Variants in LYPD6B observed in about 807,000 individuals in gnomAD.
LYPD6B encodes ly6/PLAUR domain-containing protein 6B.
A neutral mutation model predicts 22.8 loss-of-function variants in LYPD6B; 17 were observed. The ratio of observed to expected loss-of-function variants is 0.75; its 90% CI spans 0.51 to 1.12. LYPD6B has a LOEUF of 1.12. LYPD6B is among the 50% of genes most tolerant of loss of function. LYPD6B has a pLI of 0.00. For synonymous variants in LYPD6B, 106 were observed against 91.6 expected (o/e 1.16, Z -0.90); for missense variants, 221 against 258.3 (o/e 0.86, Z 0.99).
intron 3 of LYPD6B, among the ~76,000 whole-genome samples, chr2:149,190,616 A>C (rs1161429887): frequency 2.6e-5 from 4 of 152,178 alleles, no homozygotes; most frequent in Non-Finnish European, 5.9e-5. Context: ...AGAAGTTATA[A>C]AGTACAATTT....
chr2:149,078,293 T>C (rs1574926472), intron 1 of LYPD6B, among the ~76,000 whole-genome samples: 2 of 152,194 alleles, frequency 1.3e-5, no homozygotes, highest in South Asian at 4.1e-4. Context: ...TCTTTATTTG[T>C]GTTTGCTTTT....
chr2:149,176,149 C>G (rs1691288184), intron 3 of LYPD6B, among the ~76,000 whole-genome samples: 1 of 152,154 alleles, frequency 6.6e-6, no homozygotes. Flanking sequence ...TAGCAATGCA[C>G]TGTGCTATGA....
intron 2 of LYPD6B, among the ~76,000 whole-genome samples, chr2:149,160,100 G>A (rs1689963313): frequency 6.6e-6 from 1 of 151,932 alleles, no homozygotes; most frequent in South Asian, 2.1e-4. Flanking sequence ...ACTACAGTGA[G>A]CTATGATCAT....
At position 149,130,953 on chromosome 2, in the gene LYPD6B, T is replaced by G. The variant is rs764535413; in HGVS notation, c.5T>G (p.Leu2Trp). The change falls in exon 2 of 7, where the codon TTG (leucine) becomes TGG (tryptophan). Residue 2 changes from leucine (L) to tryptophan (W), a missense_variant and splice_region_variant. Leu to Trp is a moderately conservative substitution (Grantham distance 61, BLOSUM62 -2). Coordinates refer to ENST00000409642, the MANE Select transcript of LYPD6B (RefSeq NM_177964.5). ...CTGCTCTTGTTAATCACATGGATGT[T>G]GTGAGTATTATATTCACAAGTGGAT... M[L>W]LITLSANLFT... 1 of 1,602,310 alleles carries G rather than the reference T, an allele frequency of 6.2e-7. No individual in the cohort carries two copies. The highest frequency in any genetic ancestry group is 1.7e-5 in the Admixed American group (1 of 59,984).
At chr2:149,115,214 C>T (rs1037792557) in intron 1 of LYPD6B, among the ~76,000 whole-genome samples, 1 of 152,188 alleles carries the variant, frequency 6.6e-6, no homozygotes, top group African/African-American at 2.4e-5. Flanking sequence ...GCTGGGATTA[C>T]AGGTGTGAGC....
chr2:149,102,339 G>T (rs1686254062), intron 1 of LYPD6B, among the ~76,000 whole-genome samples: 1 of 152,190 alleles, frequency 6.6e-6, no homozygotes, highest in African/African-American at 2.4e-5. Context: ...CGGAACTATT[G>T]AGAGTGAGGA....
intron 1 of LYPD6B, among the ~76,000 whole-genome samples, chr2:149,112,786 T>C (rs1232682571): frequency 6.6e-6 from 1 of 152,154 alleles, no homozygotes; most frequent in Non-Finnish European, 1.5e-5. Context: ...TAATTAATTA[T>C]TGAAAACGAA....
chr2:149,051,272 TCTC>T (rs1683541717), intron 1 of LYPD6B, among the ~76,000 whole-genome samples: 1 of 151,964 alleles, frequency 6.6e-6, no homozygotes. Flanking sequence ...TTCACACCGT[TCTC>T]CTGCTCAGCT....
intron 4 of LYPD6B, among the ~76,000 whole-genome samples, chr2:149,207,943 C>T (rs1693603783): frequency 1.3e-5 from 2 of 152,022 alleles, no homozygotes. Flanking sequence ...GTTAATCTGA[C>T]TCCAGTTCTT....
At chr2:149,189,704 C>G (rs1228121888) in intron 3 of LYPD6B, among the ~76,000 whole-genome samples, 1 of 152,016 alleles carries the variant, frequency 6.6e-6, no homozygotes, top group Non-Finnish European at 1.5e-5. Flanking sequence ...GTTGATCTTC[C>G]TTACCTTCAT....
intron 2 of LYPD6B, among the ~76,000 whole-genome samples, chr2:149,147,835 C>T (rs1459335548): frequency 6.6e-6 from 1 of 151,254 alleles, no homozygotes; most frequent in Non-Finnish European, 1.5e-5. Context: ...TTTGGTGTGA[C>T]TATAAGAAGC....
At chr2:149,040,128 C>T (rs1011739957) in intron 1 of LYPD6B, among the ~76,000 whole-genome samples, 4 of 152,028 alleles carry the variant, frequency 2.6e-5, no homozygotes, top group African/African-American at 4.8e-5. Context: ...TTATCTGCTC[C>T]TTCAGAGAGA....
chr2:149,199,598 G>A (rs540341649), intron 3 of LYPD6B, among the ~76,000 whole-genome samples: 203 of 152,268 alleles, frequency 1.3e-3, no homozygotes, highest in African/African-American at 4.5e-3. Flanking sequence ...AAAGTCTGTT[G>A]TGCTCTATAG....
intron 1 of LYPD6B, among the ~76,000 whole-genome samples, chr2:149,114,325 C>T (rs1686895999): frequency 6.6e-6 from 1 of 152,140 alleles, no homozygotes; most frequent in Non-Finnish European, 1.5e-5. Flanking sequence ...CTAGGATATA[C>T]ATTTCTTTTG....
chr2:149,118,735 T>C (rs1687131853), intron 1 of LYPD6B, among the ~76,000 whole-genome samples: 1 of 152,224 alleles, frequency 6.6e-6, no homozygotes, highest in South Asian at 2.1e-4. Flanking sequence ...CCATTTTAAC[T>C]ATGACAAAAC....
At chr2:149,124,941 T>C (rs1454945063) in intron 1 of LYPD6B, among the ~76,000 whole-genome samples, 2 of 152,158 alleles carry the variant, frequency 1.3e-5, no homozygotes, top group Non-Finnish European at 2.9e-5. Flanking sequence ...CAGCCCAACA[T>C]TCAGGTAGAC....
intron 3 of LYPD6B, among the ~76,000 whole-genome samples, chr2:149,186,612 T>C (rs1692124533): frequency 6.6e-6 from 1 of 152,184 alleles, no homozygotes; most frequent in Non-Finnish European, 1.5e-5. Context: ...TGTTTGTTTG[T>C]TTGTTTGTTT....
At chr2:149,052,496 A>G (rs1372778329) in intron 1 of LYPD6B, among the ~76,000 whole-genome samples, 1 of 152,248 alleles carries the variant, frequency 6.6e-6, no homozygotes, top group Non-Finnish European at 1.5e-5. Context: ...CACTCTGGTA[A>G]TCTATCAAAG....
intron 2 of LYPD6B, among the ~76,000 whole-genome samples, chr2:149,160,320 G>C (rs1575087750): frequency 1.3e-5 from 2 of 152,220 alleles, no homozygotes; most frequent in East Asian, 3.9e-4. Flanking sequence ...CAGCTGGTAG[G>C]GCTGTCTTCC....
Sources: allele counts gnomAD v4.1 joint callset (sites outside exome capture counted in the v4.1 genomes callset), GRCh38; gene constraint gnomAD v4.1.1; transcripts MANE v1.5; gene names NCBI Gene and HGNC (gene_info 2026-07-23, HGNC 2026-07-21).